CADPS: variants seen among roughly 807,000 people sequenced by gnomAD.
CADPS encodes calcium dependent secretion activator, also known as calcium-dependent secretion activator 1.
A neutral mutation model predicts 167.3 loss-of-function variants in CADPS; 57 were observed. That is an observed-to-expected ratio of 0.34 (90% confidence interval 0.28 to 0.42). The LOEUF is 0.42. Among genes scored for constraint, CADPS ranks in the 20% least tolerant of loss-of-function variants. The probability of loss-of-function intolerance (pLI) is 1.00; values close to 1 mark genes in which losing one functional copy is unlikely to be tolerated. For missense variants in CADPS, 1,414 were observed against 1,738.1 expected (o/e 0.81, Z 3.32); for synonymous variants, 676 against 635.3 (o/e 1.06, Z -0.96).
chr3:62,410,654 A>G (rs1251932999), intron 28 of CADPS, among the ~76,000 whole-genome samples: 1 of 152,232 alleles, frequency 6.6e-6, no homozygotes, highest in Non-Finnish European at 1.5e-5. Flanking sequence ...CCTACTTAGG[A>G]TTAAATGAGT....
chr3:62,788,565 G>A (rs2092670473), intron 1 of CADPS, among the ~76,000 whole-genome samples: 1 of 152,168 alleles, frequency 6.6e-6, no homozygotes, highest in Admixed American at 6.5e-5. Flanking sequence ...CGACACAGCT[G>A]TATTTGTAAA....
At chr3:62,610,516 G>C (rs1298219600) in intron 6 of CADPS, among the ~76,000 whole-genome samples, 6 of 152,140 alleles carry the variant, frequency 3.9e-5, no homozygotes, top group Non-Finnish European at 8.8e-5. Flanking sequence ...CTCCCAAAGT[G>C]TTAGGATTAC....
chr3:62,774,475 T>C (rs928033660), intron 1 of CADPS, among the ~76,000 whole-genome samples: 42 of 152,182 alleles, frequency 2.8e-4, no homozygotes, highest in Non-Finnish European at 4.9e-4. Flanking sequence ...TACTTTTTAA[T>C]GTCAAGTCTC....
intron 5 of CADPS, among the ~76,000 whole-genome samples, chr3:62,649,385 C>A (rs974058625): frequency 6.6e-6 from 1 of 151,916 alleles, no homozygotes; most frequent in African/African-American, 2.4e-5. Context: ...AGTTGCATGA[C>A]CATCATCATA....
chr3:62,720,005 A>C (rs2075436961), intron 3 of CADPS, among the ~76,000 whole-genome samples: 2 of 152,200 alleles, frequency 1.3e-5, no homozygotes, highest in South Asian at 4.1e-4. Flanking sequence ...CTGCACCATC[A>C]GCCTGGGACA....
chr3:62,807,797 TA>T (rs2094177992), intron 1 of CADPS, among the ~76,000 whole-genome samples: 1 of 152,126 alleles, frequency 6.6e-6, no homozygotes, highest in Non-Finnish European at 1.5e-5. Context: ...TCAACTGTTA[TA>T]TATCTAGATT....
chr3:62,640,558 G>A lies in CADPS; in HGVS notation c.1325+5164C>T, dbSNP rs572450679. ...ACCCTAGGGCCGTGGCAAGATCCCAGTTAGGGCATTTTATTTTCTCATTCC... is the reference window on the plus strand; with the variant it reads ...ACCCTAGGGCCGTGGCAAGATCCCAATTAGGGCATTTTATTTTCTCATTCC... On this transcript the variant is annotated intron_variant, in intron 6 of 29. Coordinates refer to ENST00000383710, the MANE Select transcript of CADPS (RefSeq NM_003716.4). Among the ~76,000 whole-genome samples the A allele has an allele frequency of 2.6e-4, 39 of 152,308 alleles. No homozygotes were observed. The East Asian group carries it at 7.3e-3, about 29-fold the overall frequency.
Position 62,398,411 on chromosome 3 carries a change from G to C in CADPS, c.*995C>G, listed in dbSNP as rs1430417696. Reference sequence around the variant, plus strand: ...GTTTTCCACACTTCCATAACTGTAGGCTTTATATAAGGCAAAAGCAAGATG... The same window carrying C: ...GTTTTCCACACTTCCATAACTGTAGCCTTTATATAAGGCAAAAGCAAGATG... On this transcript the variant is annotated 3_prime_UTR_variant, in exon 30 of 30. Coordinates refer to ENST00000383710, the MANE Select transcript of CADPS (RefSeq NM_003716.4). The C allele has an allele frequency of 6.6e-6, 1 of 152,570 alleles. No individual in the cohort carries two copies. Among genetic ancestry groups the C allele is most frequent in the Non-Finnish European group, 1.5e-5 (1 of 68,038 alleles). The allele number at this position is 152,570 out of a possible 1,614,324, so 9.5% of individuals were successfully genotyped here.
chr3:62,825,927 T>G (rs2073959239), intron 1 of CADPS, among the ~76,000 whole-genome samples: 1 of 152,172 alleles, frequency 6.6e-6, no homozygotes, highest in Non-Finnish European at 1.5e-5. Flanking sequence ...ACTTAAGGCA[T>G]CAGGGGAGAA....
chr3:62,530,892 C>A (rs1577297565), intron 13 of CADPS: 2 of 670,504 alleles, frequency 3.0e-6, no homozygotes, highest in South Asian at 5.2e-5. Context: ...CGCACATGCA[C>A]AAACAAAAGA....
At chr3:62,524,992 G>A (rs1471174154) in intron 13 of CADPS, among the ~76,000 whole-genome samples, 1 of 152,186 alleles carries the variant, frequency 6.6e-6, no homozygotes, top group Non-Finnish European at 1.5e-5. Context: ...TGAGTGGTCA[G>A]ACCAGTAGTA....
chr3:62,616,367 C>T (rs2062296407), intron 6 of CADPS, among the ~76,000 whole-genome samples: 1 of 151,954 alleles, frequency 6.6e-6, no homozygotes, highest in Non-Finnish European at 1.5e-5. Context: ...GAAACTTTCT[C>T]TTCTCTGTGG....
intron 6 of CADPS, among the ~76,000 whole-genome samples, chr3:62,616,038 C>A (rs1001118138): frequency 6.6e-6 from 1 of 152,052 alleles, no homozygotes; most frequent in Admixed American, 6.6e-5. Context: ...TTTCCTTTGC[C>A]TACAAATGTT....
At chr3:62,491,173 T>A (rs777488445) in intron 21 of CADPS, among the ~76,000 whole-genome samples, 166 bp downstream of exon 21, 5 of 152,242 alleles carry the variant, frequency 3.3e-5, no homozygotes, top group Admixed American at 2.0e-4. Context: ...CCGACCCTCC[T>A]GCCATTTGGG....
intron 11 of CADPS, among the ~76,000 whole-genome samples, chr3:62,548,558 A>G (rs2152229463): frequency 6.6e-6 from 1 of 152,344 alleles, no homozygotes; most frequent in Admixed American, 6.5e-5. Context: ...TGCAAGGTGT[A>G]AGAATATAGT....
chr3:62,525,281 T>A (rs962676396), intron 13 of CADPS, among the ~76,000 whole-genome samples: 1 of 151,994 alleles, frequency 6.6e-6, no homozygotes, highest in Non-Finnish European at 1.5e-5. Flanking sequence ...GGAAACAAGT[T>A]CCAAAGTGAA....
chr3:62,724,557 G>C (rs780889680), intron 3 of CADPS, among the ~76,000 whole-genome samples: 1 of 152,112 alleles, frequency 6.6e-6, no homozygotes, highest in East Asian at 1.9e-4. Flanking sequence ...GTAGAAAAGC[G>C]GTAGTTTCCA....
chr3:62,781,360 C>T (rs1370590809), intron 1 of CADPS, among the ~76,000 whole-genome samples: 1 of 152,150 alleles, frequency 6.6e-6, no homozygotes, highest in Non-Finnish European at 1.5e-5. Context: ...TCCATGGATA[C>T]ACTCCCATTT....
rs200594026 is a variant in CADPS, at chr3:62,536,396, G to GA, written c.2103+48dup. 1,397 of 1,520,586 alleles carry GA rather than the reference G, an allele frequency of 9.2e-4. 9 individuals are homozygous for GA. The African/African-American group carries it at 0.016, about 17-fold the overall frequency. The allele number at this position is 1,520,586 out of a possible 1,614,324, so 94.2% of individuals were successfully genotyped here. ...CATAAAGGTAGAGAAATATTTAAAT[G>GA]AAAAAAAATGTTATGTTTAAATTGC... On this transcript the variant is annotated intron_variant, in intron 12 of 29. Coordinates refer to ENST00000383710, the MANE Select transcript of CADPS (RefSeq NM_003716.4).
Sources: allele counts gnomAD v4.1 joint callset (sites outside exome capture counted in the v4.1 genomes callset), GRCh38; gene constraint gnomAD v4.1.1; transcripts MANE v1.5; gene names NCBI Gene and HGNC (gene_info 2026-07-23, HGNC 2026-07-21).